FAP: variants seen among roughly 807,000 people sequenced by gnomAD.
FAP encodes the protein fibroblast activation protein alpha, also known as prolyl endopeptidase FAP.
In FAP, 110 loss-of-function variants were observed where a neutral mutation model predicts 126.5. That is an observed-to-expected ratio of 0.87 (90% CI 0.74 to 1.02). The LOEUF (loss-of-function observed/expected upper bound fraction) is 1.02. FAP is among the 50% of genes least tolerant of loss of function. The probability of loss-of-function intolerance (pLI) is 0.00; values close to 1 mark genes in which losing one functional copy is unlikely to be tolerated. For missense variants in FAP, 919 were observed against 909.2 expected (o/e 1.01, Z -0.14); for synonymous variants, 334 against 297.3 (o/e 1.12, Z -1.27).
chr2:162,175,581 T>C (rs1393581827), intron 21 of FAP: 1 of 152,182 alleles, frequency 6.6e-6, no homozygotes, highest in Admixed American at 6.5e-5. Context: ...AAGTCATTGG[T>C]GTCTTTAAAA....
At chr2:162,229,114 A>G (rs950395990) in intron 2 of FAP, among the ~76,000 whole-genome samples, 9 of 152,150 alleles carry the variant, frequency 5.9e-5, no homozygotes, top group African/African-American at 1.9e-4. Flanking sequence ...GGCTGGTGAC[A>G]TAGTTTTTCC....
Position 162,188,221 on chromosome 2 carries a change from C to T in FAP, c.1762G>A (p.Val588Met), listed in dbSNP as rs745813720. The T allele has an allele frequency of 1.2e-6, 2 of 1,613,098 alleles. No individual in the cohort carries two copies. The highest frequency in any genetic ancestry group is 1.7e-5 in the Admixed American group (1 of 59,920). ...TCATAAACACCCAGCTTTCGATACA[C>T]TGCATAGAGGAGTTTGTCACCTTGG... The part of the protein sequence containing the change: ...AFQGDKLLYA[V>M]YRKLGVYEVE... Residue 588 changes from valine to methionine, a missense_variant, in exon 20 of 26, where the codon GTG (valine) becomes ATG (methionine). By Grantham distance (21) the Val-to-Met change is conservative (BLOSUM62 1). Transcript: ENST00000188790.
intron 6 of FAP, among the ~76,000 whole-genome samples, chr2:162,222,248 C>G (rs972432777): frequency 2.0e-5 from 3 of 152,142 alleles, no homozygotes; most frequent in Non-Finnish European, 2.9e-5. Flanking sequence ...ACTCACTAAT[C>G]GAACGTTTCT....
rs13388894 is a variant in FAP at position 162,179,814 on chromosome 2, T to A, written c.1869+3600A>T. Among the ~76,000 whole-genome samples the A allele has an allele frequency of 6.7e-3, 624 of 92,798 alleles. 2 individuals are homozygous for A. Among genetic ancestry groups the A allele is most frequent in the African/African-American group, 0.017 (479 of 27,736 alleles). 60.9% of individuals were successfully genotyped at this position (92,798 alleles called of 152,430 possible). A position where few individuals can be genotyped will look rare whatever the true frequency, so the allele number is the denominator to read the frequency against. ...TCTATATATATATATATATATATAT[T>A]TTTTTTTTTTTTGAGATGGAGTCTC... is the stretch of plus-strand genomic sequence containing the variant. On this transcript the variant is annotated intron_variant, in intron 21 of 25. Coordinates refer to ENST00000188790, the MANE Select transcript of FAP (RefSeq NM_004460.5).
chr2:162,219,558 C>G (rs1689298022), intron 7 of FAP, among the ~76,000 whole-genome samples: 1 of 152,102 alleles, frequency 6.6e-6, no homozygotes, highest in Admixed American at 6.5e-5. Context: ...TGAAGCTAGT[C>G]TGGGAAACTT....
At chr2:162,224,241 A>G (rs1689535975) in intron 5 of FAP, among the ~76,000 whole-genome samples, 9 of 152,164 alleles carry the variant, frequency 5.9e-5, no homozygotes, top group Admixed American at 5.9e-4. Flanking sequence ...GCTGTTGTTA[A>G]TAAATGATGC....
Position 162,224,352 on chromosome 2 carries a change from G to A in FAP, c.360+114C>T, listed in dbSNP as rs181656449. 7.8e-6 allele frequency: 5 copies of A among 637,622 alleles called. No homozygotes were observed. The Admixed American group carries it at 1.7e-4, about 21-fold the overall frequency. 39.5% of individuals were successfully genotyped at this position (637,622 alleles called of 1,614,324 possible). A position where few individuals can be genotyped will look rare whatever the true frequency, so the allele number is the denominator to read the frequency against. On this transcript the variant is annotated intron_variant, in intron 5 of 25. Coordinates refer to ENST00000188790, the MANE Select transcript of FAP (RefSeq NM_004460.5). ...TCATGCTGAAGATTATTGGTGACGA[G>A]GGCCTGAATATTTAGAGATAAAGAC...
At chr2:162,242,787 G>A in intron 2 of FAP, 121 bp downstream of exon 2, 1 of 711,090 alleles carries the variant, frequency 1.4e-6, no homozygotes, top group East Asian at 2.7e-5. Context: ...TGTCTTCTTA[G>A]AAATAACAGA....
chr2:162,170,974 C>T lies in FAP; in HGVS notation c.*5G>A, dbSNP rs369552203. The T allele has an allele frequency of 3.5e-5, 57 of 1,609,976 alleles. No individual in the cohort carries two copies. The highest frequency in any genetic ancestry group is 3.3e-4 in the Middle Eastern group (2 of 6,044). On this transcript the variant is annotated 3_prime_UTR_variant, in exon 26 of 26. Transcript: ENST00000188790. ...TTCTGATACAGGCTTGCATCTGCAT[C>T]GTTTTTAGTCTGACAAAGAGAAACA...
At chr2:162,240,735 G>A (rs1054529739) in intron 2 of FAP, among the ~76,000 whole-genome samples, 2 of 152,194 alleles carry the variant, frequency 1.3e-5, no homozygotes, top group Admixed American at 1.3e-4. Flanking sequence ...GAAGTAATGG[G>A]ATTTCTGATG....
chr2:162,190,965 G>T (rs779022298), intron 17 of FAP, among the ~76,000 whole-genome samples: 1 of 152,052 alleles, frequency 6.6e-6, no homozygotes, highest in Non-Finnish European at 1.5e-5. Context: ...CATTAACTTT[G>T]GGTAATCCAT....
At position 162,219,232 on chromosome 2, in the gene FAP, G is replaced by A. The variant is rs375742053; in HGVS notation, c.487-49C>T. The A allele has an allele frequency of 7.0e-5, 109 of 1,551,788 alleles. No individual in the cohort carries two copies. In the African/African-American group the frequency reaches 1.2e-3, roughly 17 times the overall value. ...TTCCACAACAAATTAAATGAAGGCT[G>A]TATATTTGTTTTAATTATTCCTCTA... On this transcript the variant is annotated intron_variant, in intron 7 of 25. Transcript: ENST00000188790.
intron 9 of FAP, among the ~76,000 whole-genome samples, chr2:162,217,306 A>G (rs993282812): frequency 6.6e-6 from 1 of 152,194 alleles, no homozygotes; most frequent in African/African-American, 2.4e-5. Flanking sequence ...CAAGAGGTAA[A>G]TTTGTACTTT....
intron 20 of FAP, chr2:162,183,673 C>CTGT: frequency 2.0e-6 from 1 of 495,502 alleles, no homozygotes; most frequent in South Asian, 2.4e-5. Context: ...CCCTTAGACT[C>CTGT]TGTTGTACAG....
intron 2 of FAP, among the ~76,000 whole-genome samples, chr2:162,235,392 A>G (rs1690085850): frequency 6.6e-6 from 1 of 152,126 alleles, no homozygotes; most frequent in South Asian, 2.1e-4. Context: ...GTTAGTGGGG[A>G]CTTGGAGAAC....
intron 9 of FAP, among the ~76,000 whole-genome samples, chr2:162,216,826 T>C (rs1689176497): frequency 6.6e-6 from 1 of 152,196 alleles, no homozygotes; most frequent in South Asian, 2.1e-4. Context: ...GAAACTCCCT[T>C]AGTTTTTGGG....
chr2:162,177,527 A>G (rs1687526384), intron 21 of FAP, among the ~76,000 whole-genome samples: 1 of 152,062 alleles, frequency 6.6e-6, no homozygotes, highest in African/African-American at 2.4e-5. Flanking sequence ...TCTGCCTGGA[A>G]TGCTCTTTCC....
At chr2:162,172,519 A>G in intron 25 of FAP, 1 of 310,110 alleles carries the variant, frequency 3.2e-6, no homozygotes, top group Middle Eastern at 1.0e-3. Flanking sequence ...AATTGCACTT[A>G]TTCACATAGG....
Position 162,218,129 on chromosome 2 carries a change from C to A in FAP, c.619G>T (p.Ala207Ser). ...GACCACCAGAGAGCATATTTTGTAG[C>A]AAGCATTTCCTCTGAAAAATAAGTA... Reference protein sequence around the residue: ...PDWVYEEEMLATKYALWWSPN... With the variant: ...PDWVYEEEMLSTKYALWWSPN... Residue 207 changes from alanine to serine, a missense_variant, in exon 9 of 26, where the codon GCT becomes TCT. Coordinates refer to ENST00000188790, the MANE Select transcript of FAP (RefSeq NM_004460.5). 1 of 1,599,446 alleles carries A rather than the reference C, an allele frequency of 6.3e-7. No individual in the cohort carries two copies. Among genetic ancestry groups the A allele is most frequent in the South Asian group, 1.1e-5 (1 of 88,242 alleles).
Sources: allele counts gnomAD v4.1 joint callset (sites outside exome capture counted in the v4.1 genomes callset), GRCh38; gene constraint gnomAD v4.1.1; transcripts MANE v1.5; gene names NCBI Gene and HGNC (gene_info 2026-07-23, HGNC 2026-07-21).